The following SMYD3 variants were observed in gnomAD, a reference collection of about 807,000 sequenced individuals.
The protein encoded by SMYD3 is histone-lysine N-methyltransferase SMYD3.
A neutral mutation model predicts 57.7 loss-of-function variants in SMYD3; 36 were observed. The observed-to-expected ratio is 0.62, with a 90% confidence interval of 0.48 to 0.82. SMYD3 has a LOEUF of 0.82. SMYD3 is among the 40% of genes least tolerant of loss of function. SMYD3 has a pLI of 0.00. For synonymous variants in SMYD3, 211 were observed against 195.0 expected (o/e 1.08, Z -0.68); for missense variants, 515 against 538.8 (o/e 0.96, Z 0.44).
At chr1:246,015,422 A>T (rs2148207850) in intron 5 of SMYD3, among the ~76,000 whole-genome samples, 1 of 152,330 alleles carries the variant, frequency 6.6e-6, no homozygotes, top group Non-Finnish European at 1.5e-5. Context: ...ATGGCATTTT[A>T]AAAAATGTTT....
At chr1:246,493,252 GC>G (rs1258432140) in intron 1 of SMYD3, among the ~76,000 whole-genome samples, 1 of 151,926 alleles carries the variant, frequency 6.6e-6, no homozygotes, top group Non-Finnish European at 1.5e-5. Flanking sequence ...ATCACTTGAG[GC>G]CAGGAGTTTG....
intron 1 of SMYD3, among the ~76,000 whole-genome samples, chr1:246,405,502 T>TA (rs1269433701): frequency 6.6e-6 from 1 of 152,164 alleles, no homozygotes; most frequent in Non-Finnish European, 1.5e-5. Flanking sequence ...TGTCAAGGAT[T>TA]AGTCACCCAG....
intron 5 of SMYD3, among the ~76,000 whole-genome samples, chr1:246,009,922 C>A (rs1210103666): frequency 7.4e-6 from 1 of 134,644 alleles, no homozygotes; most frequent in Non-Finnish European, 1.6e-5. Flanking sequence ...TCAAGCAATT[C>A]TCCTGCCTCA....
At chr1:246,189,316 G>A (rs1432721739) in intron 5 of SMYD3, among the ~76,000 whole-genome samples, 1 of 152,138 alleles carries the variant, frequency 6.6e-6, no homozygotes, top group Non-Finnish European at 1.5e-5. Context: ...TTAGACATAA[G>A]GAAGCTGAGA....
At chr1:246,212,514 T>C (rs543925312) in intron 5 of SMYD3, among the ~76,000 whole-genome samples, 1 of 152,272 alleles carries the variant, frequency 6.6e-6, no homozygotes, top group South Asian at 2.1e-4. Context: ...GTGATTTTTA[T>C]TTTCCTCTCT....
At chr1:246,353,735 T>C (rs779635782) in intron 2 of SMYD3, among the ~76,000 whole-genome samples, 4 of 152,178 alleles carry the variant, frequency 2.6e-5, no homozygotes, top group African/African-American at 4.8e-5. Flanking sequence ...TCATTGTCCT[T>C]ATTAATAAAA....
chr1:246,504,510 T>C (rs1225929444), intron 1 of SMYD3, among the ~76,000 whole-genome samples: 1 of 152,260 alleles, frequency 6.6e-6, no homozygotes, highest in Non-Finnish European at 1.5e-5. Context: ...GATATAATCA[T>C]ACAGGGCCAC....
chr1:246,483,637 T>C (rs2068143021), intron 1 of SMYD3: 1 of 152,216 alleles, frequency 6.6e-6, no homozygotes, highest in Admixed American at 6.5e-5. Context: ...AATTATGTAA[T>C]AATGTTCTCT....
intron 5 of SMYD3, among the ~76,000 whole-genome samples, chr1:246,197,800 G>A (rs772688315): frequency 8.5e-5 from 13 of 152,106 alleles, no homozygotes; most frequent in Non-Finnish European, 1.8e-4. Context: ...AGGGAAAACT[G>A]GGTACAGAAT....
chr1:246,064,923 C>T (rs6426271), intron 5 of SMYD3, among the ~76,000 whole-genome samples: 129,436 of 152,180 alleles, frequency 0.85, 55,228 homozygotes, highest in Admixed American at 0.89. Flanking sequence ...AGCCTATAAT[C>T]TGTATACTAA....
chr1:245,808,209 G>T (rs902620421), intron 10 of SMYD3, among the ~76,000 whole-genome samples: 1 of 152,138 alleles, frequency 6.6e-6, no homozygotes, highest in African/African-American at 2.4e-5. Context: ...CTTGGCTGGG[G>T]TGTTTCTTTT....
chr1:246,383,884 C>G (rs1205815380), intron 1 of SMYD3, among the ~76,000 whole-genome samples: 1 of 152,190 alleles, frequency 6.6e-6, no homozygotes, highest in Admixed American at 6.5e-5. Flanking sequence ...AGCTTTCACT[C>G]TGTTATTGAT....
chr1:246,403,317 G>C (rs1237902900), intron 1 of SMYD3, among the ~76,000 whole-genome samples: 1 of 151,796 alleles, frequency 6.6e-6, no homozygotes, highest in Non-Finnish European at 1.5e-5. Context: ...AACATAGTAA[G>C]GCCCTGTGTC....
chr1:246,099,421 G>C (rs1219859764), intron 5 of SMYD3, among the ~76,000 whole-genome samples: 1 of 152,110 alleles, frequency 6.6e-6, no homozygotes, highest in Non-Finnish European at 1.5e-5. Context: ...CTGACACTGA[G>C]TCCTAGCACT....
chr1:246,404,785 T>A (rs1050708871), intron 1 of SMYD3, among the ~76,000 whole-genome samples: 2 of 152,130 alleles, frequency 1.3e-5, no homozygotes, highest in African/African-American at 4.8e-5. Flanking sequence ...ACATTTCAAG[T>A]GATCAATAAC....
chr1:246,154,098 C>T (rs1024665900), intron 5 of SMYD3, among the ~76,000 whole-genome samples: 9 of 152,180 alleles, frequency 5.9e-5, no homozygotes, highest in African/African-American at 2.2e-4. Context: ...AAAGGCAATC[C>T]ATCAATCAAT....
chr1:245,867,851 G>C (rs2051965043), intron 8 of SMYD3, among the ~76,000 whole-genome samples: 1 of 152,228 alleles, frequency 6.6e-6, no homozygotes, highest in Admixed American at 6.5e-5. Context: ...AGCAGTTCCA[G>C]GAAGAGCGGA....
Position 246,006,851 on chromosome 1 carries a change from C to T in SMYD3, c.532-76914G>A, listed in dbSNP as rs140398099. Reference sequence around the variant, plus strand: ...GGGCTATTGAAGACTCCATAACAAACAAGATCAAGGAGCCTGGAGCCTCTA... The same window carrying T: ...GGGCTATTGAAGACTCCATAACAAATAAGATCAAGGAGCCTGGAGCCTCTA... On this transcript the variant is annotated intron_variant, in intron 5 of 11. Coordinates refer to ENST00000490107, the MANE Select transcript of SMYD3 (RefSeq NM_001167740.2). Among the ~76,000 whole-genome samples the T allele has an allele frequency of 1.5e-4, 23 of 152,288 alleles. 1 individual carries two copies. In the East Asian group the frequency reaches 4.4e-3, roughly 29 times the overall value.
At chr1:246,197,350 G>A (rs987921582) in intron 5 of SMYD3, among the ~76,000 whole-genome samples, 2 of 152,028 alleles carry the variant, frequency 1.3e-5, no homozygotes, top group Non-Finnish European at 1.5e-5. Context: ...TGACAAACGC[G>A]ACCTCAGCTA....
Sources: allele counts gnomAD v4.1 joint callset (sites outside exome capture counted in the v4.1 genomes callset), GRCh38; gene constraint gnomAD v4.1.1; transcripts MANE v1.5; gene names NCBI Gene and HGNC (gene_info 2026-07-23, HGNC 2026-07-21).